Variants in CDH13 observed in about 807,000 individuals in gnomAD.
The protein encoded by CDH13 is cadherin-13.
Under a neutral mutation model 63.8 loss-of-function variants are expected in CDH13, and 24 were observed. That is an observed-to-expected ratio of 0.38 (90% confidence interval 0.27 to 0.53). The LOEUF is 0.53. CDH13 is among the 20% of genes least tolerant of loss of function. CDH13 has a pLI of 0.85. For synonymous variants in CDH13, 503 were observed against 355.3 expected, an observed-to-expected ratio of 1.42 and a Z score of -4.67; for missense variants, 1,049 against 903.1, an observed-to-expected ratio of 1.16 and a Z score of -2.07.
At chr16:82,717,208 A>G (rs1809806868) in intron 1 of CDH13, among the ~76,000 whole-genome samples, 1 of 152,116 alleles carries the variant, frequency 6.6e-6, no homozygotes, top group Non-Finnish European at 1.5e-5. Flanking sequence ...ACCTGGGCCC[A>G]GAGATGCATA....
At chr16:83,193,018 A>G (rs1042486188) in intron 4 of CDH13, among the ~76,000 whole-genome samples, 2 of 152,128 alleles carry the variant, frequency 1.3e-5, no homozygotes, top group African/African-American at 4.8e-5. Context: ...GCTGCCCATC[A>G]TGGGTGACGG....
chr16:83,750,204 GA>G (rs1164002499), intron 11 of CDH13, among the ~76,000 whole-genome samples: 2 of 152,090 alleles, frequency 1.3e-5, no homozygotes, highest in African/African-American at 4.8e-5. Context: ...GCTGAGGCAG[GA>G]GAATCTCTTG....
At chr16:82,891,110 C>T (rs1031997802) in intron 2 of CDH13, among the ~76,000 whole-genome samples, 6 of 149,250 alleles carry the variant, frequency 4.0e-5, no homozygotes, top group Non-Finnish European at 8.9e-5. Flanking sequence ...TCTCAGAACT[C>T]ATGTCATACT....
chr16:83,037,258 C>T (rs938941988), intron 3 of CDH13, among the ~76,000 whole-genome samples: 7 of 152,158 alleles, frequency 4.6e-5, no homozygotes, highest in Admixed American at 1.3e-4. Context: ...GTGGGGTTAC[C>T]GAGATTACCC....
At chr16:83,257,627 T>C (rs946584142) in intron 5 of CDH13, among the ~76,000 whole-genome samples, 26 of 152,238 alleles carry the variant, frequency 1.7e-4, no homozygotes, top group Non-Finnish European at 3.7e-4. Context: ...AGTAGTATTG[T>C]GTGGCGTATA....
At chr16:83,136,853 G>A (rs2036312834) in intron 4 of CDH13, among the ~76,000 whole-genome samples, 1 of 152,196 alleles carries the variant, frequency 6.6e-6, no homozygotes, top group Non-Finnish European at 1.5e-5. Context: ...CTTTGGGTAG[G>A]GATGTGCTGG....
intron 7 of CDH13, among the ~76,000 whole-genome samples, chr16:83,567,481 G>A (rs1366308610): frequency 6.6e-6 from 1 of 152,176 alleles, no homozygotes; most frequent in East Asian, 1.9e-4. Flanking sequence ...GCTAGTAAAT[G>A]GCAGAGCTGG....
chr16:82,833,686 G>T (rs540360129), intron 1 of CDH13, among the ~76,000 whole-genome samples: 4 of 152,222 alleles, frequency 2.6e-5, no homozygotes, highest in South Asian at 2.1e-4. Context: ...TGACTTCATG[G>T]CATCTGTTTT....
chr16:83,422,164 A>G (rs1191391536), intron 6 of CDH13, among the ~76,000 whole-genome samples: 2 of 152,216 alleles, frequency 1.3e-5, no homozygotes, highest in Non-Finnish European at 1.5e-5. Context: ...TTCCCCTTTA[A>G]TTAGATATTC....
At chr16:82,832,835 A>G (rs1382610396) in intron 1 of CDH13, among the ~76,000 whole-genome samples, 1 of 152,234 alleles carries the variant, frequency 6.6e-6, no homozygotes, top group Non-Finnish European at 1.5e-5. Flanking sequence ...TTGAAATAGT[A>G]TCTGAATTTA....
intron 7 of CDH13, among the ~76,000 whole-genome samples, chr16:83,558,097 C>T (rs2075637603): frequency 6.6e-6 from 1 of 152,164 alleles, no homozygotes; most frequent in Non-Finnish European, 1.5e-5. Flanking sequence ...CTTCCTGAGG[C>T]AGAAGAGTTT....
intron 2 of CDH13, among the ~76,000 whole-genome samples, chr16:83,005,221 G>A (rs997628448): frequency 6.6e-6 from 1 of 152,162 alleles, no homozygotes; most frequent in Admixed American, 6.5e-5. Flanking sequence ...ACCCTTCACA[G>A]CTGGACATTG....
chr16:83,164,779 C>T (rs1313554174), intron 4 of CDH13, among the ~76,000 whole-genome samples: 1 of 151,580 alleles, frequency 6.6e-6, no homozygotes, highest in Non-Finnish European at 1.5e-5. Context: ...CAGCTTCTGC[C>T]AGTAATAGAG....
At chr16:83,612,168 A>G (rs909217057) in intron 8 of CDH13, among the ~76,000 whole-genome samples, 1 of 152,094 alleles carries the variant, frequency 6.6e-6, no homozygotes, top group African/African-American at 2.4e-5. Context: ...AAATTTTTAA[A>G]AACTTAATTT....
chr16:83,168,947 T>G (rs2037805489), intron 4 of CDH13, among the ~76,000 whole-genome samples: 1 of 152,144 alleles, frequency 6.6e-6, no homozygotes, highest in Non-Finnish European at 1.5e-5. Context: ...AGTCATTAAT[T>G]ACTTTAAACA....
At chr16:82,850,053 C>A (rs779233172) in intron 1 of CDH13, among the ~76,000 whole-genome samples, 1 of 152,082 alleles carries the variant, frequency 6.6e-6, no homozygotes, top group Admixed American at 6.6e-5. Context: ...TTTTTCAGCC[C>A]GTGAATCCAG....
At chr16:83,067,457 C>A (rs182202606) in intron 3 of CDH13, among the ~76,000 whole-genome samples, 17 of 152,202 alleles carry the variant, frequency 1.1e-4, no homozygotes, top group Admixed American at 9.8e-4. Flanking sequence ...GTAAAAGAAC[C>A]CATATAGTGT....
chr16:83,332,336 A>C lies in CDH13; in HGVS notation c.637-12526A>C, dbSNP rs183631019. Among the ~76,000 whole-genome samples, 18 of 152,192 alleles carry C rather than the reference A, an allele frequency of 1.2e-4. No individual in the cohort carries two copies. In the East Asian group the frequency reaches 2.7e-3, roughly 23 times the overall value. On this transcript the variant is annotated intron_variant, in intron 5 of 13. Transcript: ENST00000567109. ...ATTCAATGACTTTATTCCTCCTAAT[A>C]CTTAAATCCATCTGGAATTCATTAG...
At chr16:83,033,376 A>G (rs1448996119) in intron 3 of CDH13, among the ~76,000 whole-genome samples, 1 of 151,132 alleles carries the variant, frequency 6.6e-6, no homozygotes, top group Non-Finnish European at 1.5e-5. Flanking sequence ...TATCTCAGAG[A>G]TAAGCTGCCC....
Sources: gnomAD v4.1 joint callset for allele counts (sites outside exome capture counted in the v4.1 genomes callset) on GRCh38, gnomAD v4.1.1 for gene constraint, MANE v1.5 for transcripts, NCBI Gene and HGNC (gene_info 2026-07-23, HGNC 2026-07-21) for gene names.